Variants in ACER3 observed in about 807,000 individuals in gnomAD.
ACER3 encodes alkaline ceramidase 3.
Under a neutral mutation model 48.9 loss-of-function variants are expected in ACER3, and 16 were observed. That is an observed-to-expected ratio of 0.33 (90% CI 0.22 to 0.50). The LOEUF is 0.50. ACER3 is among the 20% of genes least tolerant of loss of function. The pLI is 0.98. For missense variants in ACER3, 227 were observed against 326.0 expected, an observed-to-expected ratio of 0.70 and a Z score of 2.34; for synonymous variants, 109 against 107.8, an observed-to-expected ratio of 1.01 and a Z score of -0.07.
chr11:76,907,295 C>T (rs1946259840), intron 1 of ACER3, among the ~76,000 whole-genome samples: 1 of 152,174 alleles, frequency 6.6e-6, no homozygotes. Context: ...GTTATAGCTT[C>T]TGCACTTGAA....
In ACER3 at chr11:76,872,524, A is replaced by C. The variant is rs12421430; in HGVS notation, c.103+11445A>C. Among the ~76,000 whole-genome samples, 1,302 of 152,262 alleles carry C rather than the reference A, an allele frequency of 8.6e-3. 30 individuals carry two copies. The highest frequency in any genetic ancestry group is 0.05 in the Admixed American group (771 of 15,286). The stretch of plus-strand genomic sequence containing the variant: ...TGTTCTCATTTTACAAATAAGGAAA[A>C]AGACCTTAAGAAGTGGTCTGCCTAA... On this transcript the variant is annotated intron_variant, in intron 1 of 10. Transcript: ENST00000532485.
chr11:76,955,247 A>G (rs935744706), intron 2 of ACER3, among the ~76,000 whole-genome samples: 2 of 152,236 alleles, frequency 1.3e-5, no homozygotes, highest in African/African-American at 4.8e-5. Context: ...ACTCCAAAGT[A>G]TATATGAATG....
At chr11:76,957,434 C>T (rs4945125) in intron 2 of ACER3, 286,114 of 449,436 alleles carry the variant, frequency 0.64, 96,856 homozygotes, top group Non-Finnish European at 0.74. Flanking sequence ...TAATTTTTAA[C>T]TTTTTGTGTG....
intron 1 of ACER3, among the ~76,000 whole-genome samples, chr11:76,885,565 A>G (rs1945650745): frequency 6.6e-6 from 1 of 152,140 alleles, no homozygotes; most frequent in Non-Finnish European, 1.5e-5. Context: ...GGGGAGAAAC[A>G]TGGGCATACA....
At chr11:76,918,545 GT>G (rs1253380439) in intron 1 of ACER3, among the ~76,000 whole-genome samples, 2 of 151,052 alleles carry the variant, frequency 1.3e-5, no homozygotes, top group East Asian at 3.9e-4. Flanking sequence ...GTTATGTGGG[GT>G]TTTTTTTCAA....
intron 7 of ACER3, 47 bp downstream of exon 7, chr11:76,998,868 C>T (rs1431954754): frequency 1.4e-6 from 2 of 1,416,532 alleles, no homozygotes; most frequent in Non-Finnish European, 9.6e-7. Context: ...ATATTCAGAC[C>T]TATAACAGTA....
rs1411803712 is a variant in ACER3, at chr11:76,937,855, ATAG to A, written c.214+11191_214+11193del. On this transcript the variant is annotated intron_variant, in intron 2 of 10. Transcript: ENST00000532485. The stretch of plus-strand genomic sequence containing the variant: ...AGACTAAATCTGATTAACTTTTGAA[ATAG>A]TATTATTATTACATATCCTCAATCT... Among the ~76,000 whole-genome samples the A allele has an allele frequency of 2.0e-5, 3 of 152,238 alleles. No individual in the cohort carries two copies. The East Asian group carries it at 5.8e-4, about 29-fold the overall frequency.
chr11:76,944,906 T>A (rs923440624), intron 2 of ACER3, among the ~76,000 whole-genome samples: 2 of 152,026 alleles, frequency 1.3e-5, no homozygotes, highest in African/African-American at 4.8e-5. Context: ...TTTTTTATTA[T>A]TTTTTTCCCC....
At chr11:76,924,606 C>A (rs967577506) in intron 1 of ACER3, among the ~76,000 whole-genome samples, 42 of 151,944 alleles carry the variant, frequency 2.8e-4, no homozygotes, top group African/African-American at 8.9e-4. Context: ...TGTCTGTTGT[C>A]TTCTAGTTTT....
In ACER3 at chr11:76,882,782, T is replaced by C. The variant is rs1184293390; in HGVS notation, c.103+21703T>C. ...GTTGTTTCTGTTGTTTTAACTGGCATTTAGTTATCTTGACTGACTTGACTT... is the reference window on the plus strand; with the variant it reads ...GTTGTTTCTGTTGTTTTAACTGGCACTTAGTTATCTTGACTGACTTGACTT... On this transcript the variant is annotated intron_variant, in intron 1 of 10. Coordinates refer to ENST00000532485, the MANE Select transcript of ACER3 (RefSeq NM_018367.7). Among the ~76,000 whole-genome samples the C allele has an allele frequency of 2.6e-5, 4 of 152,234 alleles. No homozygotes were observed. In the East Asian group the frequency reaches 7.7e-4, roughly 29 times the overall value.
intron 2 of ACER3, among the ~76,000 whole-genome samples, chr11:76,956,680 C>T (rs1437230160): frequency 9.4e-6 from 1 of 106,110 alleles, no homozygotes; most frequent in South Asian, 3.1e-4. Context: ...ATCATCCCAT[C>T]TCACTTTTTT....
chr11:76,887,536 T>G (rs1166711714), intron 1 of ACER3, among the ~76,000 whole-genome samples: 2 of 152,126 alleles, frequency 1.3e-5, no homozygotes, highest in African/African-American at 2.4e-5. Context: ...ATTTAAAACA[T>G]TAAGAAAAGA....
chr11:76,862,237 C>A (rs1944961013), intron 1 of ACER3, among the ~76,000 whole-genome samples: 3 of 150,568 alleles, frequency 2.0e-5, no homozygotes, highest in Admixed American at 6.6e-5. Context: ...GCAAGCATAT[C>A]ATGACAAATG....
chr11:76,974,988 T>G (rs568404223), intron 3 of ACER3, among the ~76,000 whole-genome samples: 26 of 152,152 alleles, frequency 1.7e-4, no homozygotes, highest in Non-Finnish European at 3.2e-4. Context: ...AACAAAAAAA[T>G]TAATGACTAA....
chr11:76,884,266 C>T, intron 1 of ACER3, among the ~76,000 whole-genome samples: 1 of 152,046 alleles, frequency 6.6e-6, no homozygotes, highest in Non-Finnish European at 1.5e-5. Flanking sequence ...GCACCAAAGT[C>T]TAGAAATACT....
chr11:76,957,254 A>AAATTCTGAACTAAACTGAATCAG (rs1243188886), intron 2 of ACER3, among the ~76,000 whole-genome samples: 2 of 152,212 alleles, frequency 1.3e-5, no homozygotes, highest in African/African-American at 4.8e-5. Flanking sequence ...TGCACTCAGT[A>AAATTCTGAACTAAACTGAATCAG]AATTCTGAAC....
At chr11:77,005,163 G>C (rs1184492841) in intron 7 of ACER3, among the ~76,000 whole-genome samples, 1 of 151,258 alleles carries the variant, frequency 6.6e-6, no homozygotes, top group Non-Finnish European at 1.5e-5. Context: ...TCAGCCTCCT[G>C]AGTAGCTGGG....
intron 2 of ACER3, chr11:76,957,729 C>T (rs535583437): frequency 5.9e-6 from 1 of 170,868 alleles, no homozygotes; most frequent in African/African-American, 2.4e-5. Flanking sequence ...AGGTGTGAGC[C>T]ACCGGGCTGG....
intron 1 of ACER3, among the ~76,000 whole-genome samples, chr11:76,903,376 A>G (rs1315081907): frequency 6.6e-6 from 1 of 152,116 alleles, no homozygotes; most frequent in Non-Finnish European, 1.5e-5. Flanking sequence ...AACACTAGTA[A>G]TCACTCTGCC....
Sources: allele counts gnomAD v4.1 joint callset (sites outside exome capture counted in the v4.1 genomes callset), GRCh38; gene constraint gnomAD v4.1.1; transcripts MANE v1.5; gene names NCBI Gene and HGNC (gene_info 2026-07-23, HGNC 2026-07-21).